The following KHDRBS2 variants were observed in gnomAD, a reference collection of about 807,000 sequenced individuals.
KHDRBS2 encodes the protein KH domain-containing, RNA-binding, signal transduction-associated protein 2.
KHDRBS2 carries 26 observed loss-of-function variants against 44.3 expected under a neutral mutation model. The observed-to-expected ratio is 0.59, with a 90% CI of 0.43 to 0.81. The LOEUF (loss-of-function observed/expected upper bound fraction) is 0.81, where lower values mean the gene tolerates loss of function less well. Ranked by LOEUF, KHDRBS2 falls within the 40% of genes least tolerant of loss-of-function variation. The pLI, the probability that KHDRBS2 is intolerant of heterozygous loss-of-function variation, is 0.00. For synonymous variants in KHDRBS2, 194 were observed against 151.1 expected (o/e 1.28, Z -2.08); for missense variants, 476 against 433.1 (o/e 1.10, Z -0.88).
chr6:61,743,905 T>A (rs1776514813), intron 6 of KHDRBS2, among the ~76,000 whole-genome samples: 1 of 151,788 alleles, frequency 6.6e-6, no homozygotes, highest in South Asian at 2.1e-4. Context: ...TTGCGATAGT[T>A]TGCTGAGAAT....
At chr6:62,093,126 T>A (rs1365681771) in intron 2 of KHDRBS2, among the ~76,000 whole-genome samples, 1 of 150,866 alleles carries the variant, frequency 6.6e-6, no homozygotes, top group Non-Finnish European at 1.5e-5. Flanking sequence ...TAATTAGGCA[T>A]AAACTCATTA....
chr6:61,839,864 CAAGT>C (rs750977380), intron 6 of KHDRBS2, among the ~76,000 whole-genome samples: 8 of 151,982 alleles, frequency 5.3e-5, no homozygotes, highest in African/African-American at 9.7e-5. Flanking sequence ...GAGAAAATAG[CAAGT>C]ATTTCCTCTT....
chr6:61,676,782 C>T (rs9350946), downstream of KHDRBS2, among the ~76,000 whole-genome samples: 54,168 of 151,564 alleles, frequency 0.36, 10,446 homozygotes, highest in East Asian at 0.49. Flanking sequence ...CCATCTGAGG[C>T]TTTTATTGGA....
intron 3 of KHDRBS2, among the ~76,000 whole-genome samples, chr6:61,984,788 C>A (rs1381392053): frequency 6.6e-6 from 1 of 152,160 alleles, no homozygotes; most frequent in Non-Finnish European, 1.5e-5. Context: ...AACTTGCAAG[C>A]CTCCAACTGG....
At chr6:61,918,354 C>T (rs1283377263) in intron 4 of KHDRBS2, among the ~76,000 whole-genome samples, 2 of 151,844 alleles carry the variant, frequency 1.3e-5, no homozygotes, top group Non-Finnish European at 2.9e-5. Context: ...TGAATTATGT[C>T]CCCCTCCCAA....
chr6:61,652,970 T>C, the KHDRBS2 span, among the ~76,000 whole-genome samples: 1 of 152,108 alleles, frequency 6.6e-6, no homozygotes, highest in East Asian at 1.9e-4. Context: ...AACAGATGCA[T>C]GAGAAATGAC....
In KHDRBS2 at chr6:62,160,269, C is replaced by T. The variant is rs572632534; in HGVS notation, c.219+16916G>A. ...TATATGCTATGGGAAAAAAGAAAAA[C>T]TAGTAAAAGGTAAGGGGATTGTGAG... On this transcript the variant is annotated intron_variant, in intron 2 of 8. Coordinates refer to ENST00000281156, the MANE Select transcript of KHDRBS2 (RefSeq NM_152688.4). Among the ~76,000 whole-genome samples the T allele has an allele frequency of 1.4e-4, 21 of 152,124 alleles. No homozygotes were observed. In the South Asian group the frequency reaches 3.7e-3, roughly 27 times the overall value.
intron 7 of KHDRBS2, among the ~76,000 whole-genome samples, chr6:61,704,997 T>A (rs1331860292): frequency 2.0e-5 from 3 of 151,868 alleles, no homozygotes; most frequent in Admixed American, 6.6e-5. Context: ...GATCCATAAT[T>A]AAAACTGCTA....
intron 6 of KHDRBS2, among the ~76,000 whole-genome samples, chr6:61,812,001 G>A (rs1289204206): frequency 6.6e-6 from 1 of 151,772 alleles, no homozygotes; most frequent in Non-Finnish European, 1.5e-5. Context: ...AATTATTATT[G>A]TAAAAAGTTA....
intron 1 of KHDRBS2, among the ~76,000 whole-genome samples, chr6:62,265,266 A>T (rs1052810633): frequency 1.3e-5 from 2 of 151,998 alleles, no homozygotes; most frequent in African/African-American, 2.4e-5. Flanking sequence ...GAGGGAAAGG[A>T]TAACATAGAC....
At chr6:61,666,491 G>A in the KHDRBS2 span, among the ~76,000 whole-genome samples, 1 of 151,096 alleles carries the variant, frequency 6.6e-6, no homozygotes, top group East Asian at 2.0e-4. Flanking sequence ...TGCAACTTAG[G>A]GTCCACTTCC....
At chr6:61,591,002 GA>G in the KHDRBS2 span, among the ~76,000 whole-genome samples, 2 of 152,142 alleles carry the variant, frequency 1.3e-5, no homozygotes, top group Non-Finnish European at 2.9e-5. Flanking sequence ...ATACAGAGTA[GA>G]ACACTCAAAG....
chr6:61,808,607 C>T (rs1787560723), intron 6 of KHDRBS2, among the ~76,000 whole-genome samples: 1 of 151,912 alleles, frequency 6.6e-6, no homozygotes, highest in Non-Finnish European at 1.5e-5. Flanking sequence ...GGAGTGTGTG[C>T]TCATTAAGGA....
At chr6:61,763,831 T>C (rs1779615462) in intron 6 of KHDRBS2, among the ~76,000 whole-genome samples, 2 of 152,196 alleles carry the variant, frequency 1.3e-5, no homozygotes, top group African/African-American at 4.8e-5. Context: ...TATTTTATTT[T>C]ATTTTAAGTT....
chr6:61,939,237 T>A (rs1442655306), intron 4 of KHDRBS2, among the ~76,000 whole-genome samples: 3 of 133,628 alleles, frequency 2.2e-5, no homozygotes, highest in Admixed American at 8.1e-5. Context: ...ATAAAATACA[T>A]GCTTAACATA....
At chr6:62,278,548 T>C (rs1585587330) in intron 1 of KHDRBS2, among the ~76,000 whole-genome samples, 1 of 152,164 alleles carries the variant, frequency 6.6e-6, no homozygotes, top group East Asian at 1.9e-4. Flanking sequence ...AATATTAATA[T>C]TAATGTACAA....
At chr6:61,902,967 G>A (rs1160266570) in intron 4 of KHDRBS2, among the ~76,000 whole-genome samples, 2 of 152,078 alleles carry the variant, frequency 1.3e-5, no homozygotes, top group African/African-American at 2.4e-5. Context: ...TTTTTAGCAT[G>A]TTGCTTTCAT....
At chr6:61,818,219 T>A (rs1436369445) in intron 6 of KHDRBS2, among the ~76,000 whole-genome samples, 1 of 147,840 alleles carries the variant, frequency 6.8e-6, no homozygotes, top group Non-Finnish European at 1.5e-5. Flanking sequence ...AAAAAAGACC[T>A]TTCAATTGTT....
the KHDRBS2 span, among the ~76,000 whole-genome samples, chr6:61,580,605 T>G: frequency 5.3e-5 from 8 of 152,126 alleles, no homozygotes; most frequent in Non-Finnish European, 1.0e-4. Flanking sequence ...GCTTCATTCC[T>G]GAAGTCAGCG....
Sources: gnomAD v4.1 joint callset for allele counts (sites outside exome capture counted in the v4.1 genomes callset) on GRCh38, gnomAD v4.1.1 for gene constraint, MANE v1.5 for transcripts, NCBI Gene and HGNC (gene_info 2026-07-23, HGNC 2026-07-21) for gene names.